The following PDGFA variants were observed in gnomAD, a reference collection of about 807,000 sequenced individuals.
PDGFA encodes platelet derived growth factor subunit A.
A neutral mutation model predicts 25.6 loss-of-function variants in PDGFA; 9 were observed. The observed-to-expected ratio is 0.35, with a 90% CI of 0.21 to 0.61. The LOEUF is 0.61. Ranked by LOEUF, PDGFA falls within the 20% of genes least tolerant of loss-of-function variation. The pLI, the probability that PDGFA is intolerant of heterozygous loss-of-function variation, is 0.75. For missense variants in PDGFA, 242 were observed against 272.8 expected (o/e 0.89, Z 0.79); for synonymous variants, 133 against 111.8 (o/e 1.19, Z -1.20).
chr7:502,181 C>T (rs1782369901), intron 4 of PDGFA, among the ~76,000 whole-genome samples: 1 of 152,052 alleles, frequency 6.6e-6, no homozygotes. Context: ...GGTATCACAC[C>T]ACTGCACTCC....
Position 503,061 on chromosome 7 carries a change from C to T in PDGFA, c.454-1819G>A, listed in dbSNP as rs149720081. Among the ~76,000 whole-genome samples, 829 of 152,252 alleles carry T rather than the reference C, an allele frequency of 5.4e-3. 11 individuals carry two copies. Among genetic ancestry groups the T allele is most frequent in the African/African-American group, 0.019 (793 of 41,534 alleles). On this transcript the variant is annotated intron_variant, in intron 4 of 5. Transcript: ENST00000402802. ...GAGTAGAGTATTGGCTCTCCCAGCC[C>T]AAACCCCAGCACTCATTTCATCCTC...
upstream of PDGFA, chr7:519,489 G>A: frequency 6.6e-6 from 1 of 151,738 alleles, no homozygotes; most frequent in Non-Finnish European, 1.5e-5. Context: ...CCCGGCCCCG[G>A]CTGCGAGCTG....
At chr7:501,017 G>A in intron 5 of PDGFA, 99 bp downstream of exon 5, 1 of 1,608,682 alleles carries the variant, frequency 6.2e-7, no homozygotes. Context: ...GATGCTCACA[G>A]CAGTAAGCGT....
chr7:508,210 G>A (rs1189290563), intron 4 of PDGFA, among the ~76,000 whole-genome samples: 2 of 152,050 alleles, frequency 1.3e-5, no homozygotes, highest in Admixed American at 6.5e-5. Context: ...AGTGGGGGGC[G>A]GGGGTGTGAA....
At chr7:497,954 A>AAC (rs1782144881) in exon 6 of PDGFA, 1 of 116,262 alleles carries the variant, frequency 8.6e-6, no homozygotes, top group African/African-American at 3.2e-5. Flanking sequence ...AAAAAAAAAA[A>AAC]AAAACAAAAA....
At chr7:504,224 A>T (rs545916270) in intron 4 of PDGFA, among the ~76,000 whole-genome samples, 3 of 151,870 alleles carry the variant, frequency 2.0e-5, no homozygotes, top group Non-Finnish European at 4.4e-5. Flanking sequence ...AGCTCAGCAC[A>T]GTACCACCAC....
rs1554272894 is a variant in PDGFA, at chr7:497,811, G to A, written c.*753C>T. The A allele has an allele frequency of 2.9e-5, 4 of 136,400 alleles. No homozygotes were observed. In the Admixed American group the frequency reaches 3.2e-4, roughly 11 times the overall value. 8.4% of individuals were successfully genotyped at this position (136,400 alleles called of 1,614,324 possible). A position where few individuals can be genotyped will look rare whatever the true frequency, so the allele number is the denominator to read the frequency against. ...TTGCTAGGAAAAATACCGTCGCACTGTCCTGACAGTTACAGCAGCCTGTGT... is the reference window on the plus strand; with the variant it reads ...TTGCTAGGAAAAATACCGTCGCACTATCCTGACAGTTACAGCAGCCTGTGT... On this transcript the variant is annotated 3_prime_UTR_variant, in exon 6 of 6. Coordinates refer to ENST00000402802, the Ensembl canonical transcript of PDGFA.
At chr7:518,668 G>C (rs754701871) in intron 1 of PDGFA, among the ~76,000 whole-genome samples, 1 of 149,636 alleles carries the variant, frequency 6.7e-6, no homozygotes, top group Admixed American at 6.6e-5. Flanking sequence ...CCCCTTCCCC[G>C]GAGAGGACAC....
At chr7:511,024 G>T in intron 3 of PDGFA, 28 bp from the exon 4 acceptor site, 2 of 1,592,750 alleles carry the variant, frequency 1.3e-6, no homozygotes, top group Non-Finnish European at 1.7e-6. Context: ...CAGTGAGCGG[G>T]GACCGGCCTC....
rs756811862 is a variant in PDGFA, at chr7:501,224, C to T, written c.472G>A (p.Val158Ile). ...TCTTTTAATTTTGGCTTCTTCCTGA[C>T]GTATTCCACCTTGGCCACCTGCCAG... Residue 158 changes from valine to isoleucine, a missense_variant, in exon 5 of 6, where the codon GTC becomes ATC. Coordinates refer to ENST00000402802, the Ensembl canonical transcript of PDGFA. The T allele has an allele frequency of 2.2e-5, 35 of 1,614,058 alleles. No individual in the cohort carries two copies. Among genetic ancestry groups the T allele is most frequent in the South Asian group, 1.4e-4 (13 of 91,092 alleles).
intron 2 of PDGFA, 138 bp from the exon 3 acceptor site, chr7:512,593 C>T: frequency 6.5e-7 from 1 of 1,546,418 alleles, no homozygotes; most frequent in Non-Finnish European, 8.7e-7. Flanking sequence ...CTCACAGCTC[C>T]CGCCATTAGG....
chr7:510,944 A>G, exon 4 of PDGFA: 1 of 1,612,876 alleles, frequency 6.2e-7, no homozygotes, highest in African/African-American at 1.3e-5. Flanking sequence ...CCTGACTCCG[A>G]GGAATCTCGT....
chr7:498,965 G>A (rs1782208434), intron 5 of PDGFA, among the ~76,000 whole-genome samples: 1 of 152,226 alleles, frequency 6.6e-6, no homozygotes, highest in Admixed American at 6.5e-5. Flanking sequence ...CCCTGAGGAT[G>A]GAGGCCACCA....
chr7:510,934 C>A (rs1428647635), exon 4 of PDGFA: 3 of 1,612,690 alleles, frequency 1.9e-6, no homozygotes. Context: ...GTGGGGTCGA[C>A]CTGACTCCGA....
chr7:511,054 C>T, intron 3 of PDGFA, 58 bp from the exon 4 acceptor site: 2 of 1,427,500 alleles, frequency 1.4e-6, no homozygotes, highest in Non-Finnish European at 2.0e-6. Flanking sequence ...GGCCCCACCC[C>T]AGGGCTGAGG....
intron 4 of PDGFA, among the ~76,000 whole-genome samples, chr7:502,078 A>G (rs949642885): frequency 6.6e-6 from 1 of 152,106 alleles, no homozygotes; most frequent in African/African-American, 2.4e-5. Context: ...TTTAAAAATT[A>G]GCAAGCCATG....
At chr7:505,528 C>T (rs549486257) in intron 4 of PDGFA, among the ~76,000 whole-genome samples, 49 of 152,332 alleles carry the variant, frequency 3.2e-4, no homozygotes, top group Admixed American at 2.9e-3. Flanking sequence ...CGGGGGACCC[C>T]ACCCCAACTC....
Position 517,353 on chromosome 7 carries a change from C to T in PDGFA, c.160+41G>A, listed in dbSNP as rs1322142303. 3.1e-5 allele frequency: 33 copies of T among 1,066,422 alleles called. No individual in the cohort carries two copies. Among genetic ancestry groups the T allele is most frequent in the Non-Finnish European group, 4.1e-5 (33 of 797,758 alleles). 66.1% of individuals were successfully genotyped at this position (1,066,422 alleles called of 1,614,324 possible). ...AGCTCGGGGCGCACAGGCCGCCCGC[C>T]CGCGCCCTCCCCGCGCGCGGAGGGA... On this transcript the variant is annotated intron_variant, in intron 2 of 5. Transcript: ENST00000402802. This position sits in a 1 kb window ranked among gnomAD's most constrained non-coding sequence, Gnocchi z 7.4.
intron 4 of PDGFA, among the ~76,000 whole-genome samples, chr7:508,559 C>CAAAAAA (rs766165770): frequency 0.09 from 3,199 of 35,514 alleles, 768 homozygotes; most frequent in Non-Finnish European, 0.11. Flanking sequence ...GAAGCTGTCC[C>CAAAAAA]AAAAAAAAAA....
Sources: allele counts gnomAD v4.1 joint callset (sites outside exome capture counted in the v4.1 genomes callset), GRCh38; gene constraint gnomAD v4.1.1; non-coding constraint Gnocchi (gnomAD v3.1); transcripts MANE v1.5; gene names NCBI Gene and HGNC (gene_info 2026-07-23, HGNC 2026-07-21).